The following PCDHGA12 variants were observed in gnomAD, a reference collection of about 807,000 sequenced individuals.
PCDHGA12 encodes protocadherin gamma subfamily A, 12, also known as protocadherin gamma-A12.
A neutral mutation model predicts 61.1 loss-of-function variants in PCDHGA12; 43 were observed. That is an observed-to-expected ratio of 0.70 (90% CI 0.55 to 0.91). The LOEUF (loss-of-function observed/expected upper bound fraction) is 0.91, where lower values mean the gene tolerates loss of function less well. Among genes scored for constraint, PCDHGA12 ranks in the 40% least tolerant of loss-of-function variants. The probability of loss-of-function intolerance (pLI) is 0.00; values close to 1 mark genes in which losing one functional copy is unlikely to be tolerated. For missense variants in PCDHGA12, 1,236 were observed against 1,227.7 expected (o/e 1.01, Z -0.10); for synonymous variants, 520 against 542.9 (o/e 0.96, Z 0.59).
intron 1 of PCDHGA12, among the ~76,000 whole-genome samples, chr5:141,449,762 G>T (rs909809198): frequency 6.6e-6 from 1 of 151,458 alleles, no homozygotes; most frequent in Non-Finnish European, 1.5e-5. Context: ...ACATTTGAGA[G>T]TAAGTTGTAG....
In PCDHGA12 at chr5:141,485,669, T is replaced by G. The variant is rs754363407; in HGVS notation, c.2425-9138T>G. ...TCAGGATGCAGATGTGGGGAGCAATTCGATTAGCAGCTATAGGCTGAGCTC... is the reference window on the plus strand; with the variant it reads ...TCAGGATGCAGATGTGGGGAGCAATGCGATTAGCAGCTATAGGCTGAGCTC... On this transcript the variant is annotated intron_variant, in intron 1 of 3. Transcript: ENST00000252085. The surrounding 1 kb of genome is among the most constrained non-coding windows in gnomAD (Gnocchi z 5.7). 1.9e-6 allele frequency: 3 copies of G among 1,612,788 alleles called. 1 individual carries two copies. Among genetic ancestry groups the G allele is most frequent in the Admixed American group, 1.7e-5 (1 of 59,980 alleles).
intron 1 of PCDHGA12, chr5:141,478,104 C>T (rs1440105341): frequency 6.2e-7 from 1 of 1,614,118 alleles, no homozygotes; most frequent in South Asian, 1.1e-5. Flanking sequence ...GCTACCCTCA[C>T]TGTGTCAGTA....
chr5:141,433,328 G>A (rs965877578), intron 1 of PCDHGA12, 145 bp downstream of exon 1: 3 of 724,464 alleles, frequency 4.1e-6, no homozygotes, highest in African/African-American at 3.6e-5. Context: ...GGTGTAACAG[G>A]GACTACAGGT....
At chr5:141,509,872 G>A (rs968745661) in intron 3 of PCDHGA12, among the ~76,000 whole-genome samples, 1 of 152,166 alleles carries the variant, frequency 6.6e-6, no homozygotes, top group Non-Finnish European at 1.5e-5. Context: ...CCAAGCTGCT[G>A]GTGGTGATGG....
At position 141,491,127 on chromosome 5, in the gene PCDHGA12, C is replaced by T. The variant is rs2099708654; in HGVS notation, c.2425-3680C>T. On this transcript the variant is annotated intron_variant, in intron 1 of 3. Transcript: ENST00000252085. This position sits in a 1 kb window ranked among gnomAD's most constrained non-coding sequence, Gnocchi z 6.9. ...TGTCTACACACACTGGTGAGGTGCGCACAGCCCGGGCCTTACTGGAGGATG... is the reference window on the plus strand; with the variant it reads ...TGTCTACACACACTGGTGAGGTGCGTACAGCCCGGGCCTTACTGGAGGATG... 1 of 1,614,076 alleles carries T rather than the reference C, an allele frequency of 6.2e-7. No individual in the cohort carries two copies. The highest frequency in any genetic ancestry group is 1.3e-5 in the African/African-American group (1 of 74,942).
At chr5:141,499,007 AG>A (rs2099788320) in intron 2 of PCDHGA12, among the ~76,000 whole-genome samples, 1 of 151,128 alleles carries the variant, frequency 6.6e-6, no homozygotes, top group Non-Finnish European at 1.5e-5. Flanking sequence ...GAAGGAAGGA[AG>A]GAAGGAAGGA....
Position 141,431,559 on chromosome 5 carries a change from C to A in PCDHGA12, c.800C>A (p.Thr267Asn). Residue 267 changes from threonine to asparagine, a missense_variant, in exon 1 of 4, where the codon ACC (threonine) becomes AAC (asparagine). By Grantham distance (65) the Thr-to-Asn change is moderately conservative (BLOSUM62 0). Coordinates refer to ENST00000252085, the MANE Select transcript of PCDHGA12 (RefSeq NM_003735.3). The surrounding 1 kb of genome is among the most constrained non-coding windows in gnomAD (Gnocchi z 4.8). ...LGTQLLVVNA[T>N]DPDEGVNAEV... is the part of the protein sequence containing the mutation. ...ACGCAGCTGCTTGTAGTCAACGCTA[C>A]CGACCCTGACGAAGGAGTCAATGCG... is the stretch of plus-strand genomic sequence containing the variant. 6.2e-7 allele frequency: 1 copy of A among 1,614,158 alleles called. No homozygotes were observed. The highest frequency in any genetic ancestry group is 8.5e-7 in the Non-Finnish European group (1 of 1,180,030).
rs778851755 is a variant in PCDHGA12, at chr5:141,477,795, G to A, written c.2425-17012G>A. ...AGCGTGAACATATTTGTCACTGATC[G>A]CAATGACAATGCCCCCCAGGTCCTA... On this transcript the variant is annotated intron_variant, in intron 1 of 3. Coordinates refer to ENST00000252085, the MANE Select transcript of PCDHGA12 (RefSeq NM_003735.3). This position sits in a 1 kb window ranked among gnomAD's most constrained non-coding sequence, Gnocchi z 4.9. The A allele has an allele frequency of 3.1e-6, 5 of 1,613,946 alleles. No individual in the cohort carries two copies. In the African/African-American group the frequency reaches 6.7e-5, roughly 22 times the overall value.
At position 141,491,660 on chromosome 5, in the gene PCDHGA12, C is replaced by G; in HGVS notation, c.2425-3147C>G. 6.2e-7 allele frequency: 1 copy of G among 1,613,810 alleles called. No individual in the cohort carries two copies. ...ACAGCTCTGGCGCTGGAGCCTGACG[C>G]CATCCGGTCCCGCTCTAATACGCTG... is the stretch of plus-strand genomic sequence containing the variant. On this transcript the variant is annotated intron_variant, in intron 1 of 3. Transcript: ENST00000252085. The surrounding 1 kb of genome is among the most constrained non-coding windows in gnomAD (Gnocchi z 6.9).
intron 1 of PCDHGA12, among the ~76,000 whole-genome samples, chr5:141,465,824 T>A (rs1447359333): frequency 6.6e-6 from 1 of 152,076 alleles, no homozygotes; most frequent in Non-Finnish European, 1.5e-5. Context: ...ATCACATTTG[T>A]TTAAAATTTC....
rs764742899 is a variant in PCDHGA12, at chr5:141,487,062, C to T, written c.2425-7745C>T. On this transcript the variant is annotated intron_variant, in intron 1 of 3. Transcript: ENST00000252085. This position sits in a 1 kb window ranked among gnomAD's most constrained non-coding sequence, Gnocchi z 5.0. Reference sequence around the variant, plus strand: ...TCTCGATATGCTGGGGAGGTGCGGACGGCTGTTCCTATCCCAGCTGACCTC... The same window carrying T: ...TCTCGATATGCTGGGGAGGTGCGGATGGCTGTTCCTATCCCAGCTGACCTC... 2.8e-5 allele frequency: 45 copies of T among 1,613,980 alleles called. No homozygotes were observed. Among genetic ancestry groups the T allele is most frequent in the East Asian group, 1.3e-4 (6 of 44,874 alleles).
In PCDHGA12 at chr5:141,434,786, T is replaced by A. The variant is rs867453805; in HGVS notation, c.2424+1603T>A. ...TTCACACTTCTAAAAAAAAAAAAAT[T>A]TTTTTTTCTGAGCTTGGAGAAATAT... On this transcript the variant is annotated intron_variant, in intron 1 of 3. Coordinates refer to ENST00000252085, the MANE Select transcript of PCDHGA12 (RefSeq NM_003735.3). 6.8e-4 allele frequency among the ~76,000 whole-genome samples: 102 copies of A among 150,682 alleles called. 1 individual carries two copies. The highest frequency in any genetic ancestry group is 1.8e-3 in the African/African-American group (72 of 40,898).
In PCDHGA12 at chr5:141,491,762, C is replaced by T. The variant is rs1162878124; in HGVS notation, c.2425-3045C>T. The T allele has an allele frequency of 6.4e-7, 1 of 1,572,596 alleles. No homozygotes were observed. The highest frequency in any genetic ancestry group is 1.4e-5 in the African/African-American group (1 of 73,308). ...GGCGGCACTGGAGAAGCCGCCCGTC[C>T]TCATAAGGGATTGAACTTGCATCCA... On this transcript the variant is annotated intron_variant, in intron 1 of 3. Transcript: ENST00000252085. The surrounding 1 kb of genome is among the most constrained non-coding windows in gnomAD (Gnocchi z 6.9).
In PCDHGA12 at chr5:141,487,406, C is replaced by T; in HGVS notation, c.2425-7401C>T. The T allele has an allele frequency of 6.2e-7, 1 of 1,614,200 alleles. No individual in the cohort carries two copies. The highest frequency in any genetic ancestry group is 8.5e-7 in the Non-Finnish European group (1 of 1,180,044). ...ATCTCGAAGGAGGGAGGGGCTTCCC[C>T]CTTCCAATGGGATCCTCCGAATCCA... On this transcript the variant is annotated intron_variant, in intron 1 of 3. Coordinates refer to ENST00000252085, the MANE Select transcript of PCDHGA12 (RefSeq NM_003735.3). The surrounding 1 kb of genome is among the most constrained non-coding windows in gnomAD (Gnocchi z 5.0).
intron 1 of PCDHGA12, among the ~76,000 whole-genome samples, chr5:141,475,442 T>A (rs1007534176): frequency 1.3e-5 from 2 of 152,238 alleles, no homozygotes; most frequent in African/African-American, 4.8e-5. Context: ...TAGCTCCAGA[T>A]AATGAGGAAG....
rs761718852 is a variant in PCDHGA12, at chr5:141,432,440, G to A, written c.1681G>A (p.Glu561Lys). Reference protein sequence around the residue: ...FVLDQNDNAPEILYPALPTDG... With the variant: ...FVLDQNDNAPKILYPALPTDG... ...GCTGGACCAGAACGACAATGCGCCCGAGATCCTGTACCCCGCCCTCCCCAC... is the reference window on the plus strand; with the variant it reads ...GCTGGACCAGAACGACAATGCGCCCAAGATCCTGTACCCCGCCCTCCCCAC... The change falls in exon 1 of 4, where the codon GAG becomes AAG. Residue 561 changes from glutamate (E) to lysine (K), a missense_variant. By Grantham distance (56) the Glu-to-Lys change is moderately conservative (BLOSUM62 1). Transcript: ENST00000252085. The surrounding 1 kb of genome is among the most constrained non-coding windows in gnomAD (Gnocchi z 6.0). 1.3e-5 allele frequency: 21 copies of A among 1,614,226 alleles called. No homozygotes were observed. Among genetic ancestry groups the A allele is most frequent in the Non-Finnish European group, 1.6e-5 (19 of 1,180,048 alleles).
rs946798767 is a variant in PCDHGA12 at position 141,438,591 on chromosome 5, C to CATATAT, written c.2424+5448_2424+5453dup. Among the ~76,000 whole-genome samples the CATATAT allele has an allele frequency of 1.5e-3, 111 of 75,470 alleles. 1 individual carries two copies. Among genetic ancestry groups the CATATAT allele is most frequent in the Non-Finnish European group, 2.3e-3 (84 of 37,244 alleles). 49.5% of individuals were successfully genotyped at this position (75,470 alleles called of 152,430 possible). A position where few individuals can be genotyped will look rare whatever the true frequency, so the allele number is the denominator to read the frequency against. ...TCTGATATACATACATACATACATA[C>CATATAT]ATATATATATATATATATATATATA... On this transcript the variant is annotated intron_variant, in intron 1 of 3. Transcript: ENST00000252085.
At chr5:141,508,983 C>T (rs532410967) in intron 3 of PCDHGA12, among the ~76,000 whole-genome samples, 44 of 152,148 alleles carry the variant, frequency 2.9e-4, no homozygotes, top group Non-Finnish European at 4.4e-4. Flanking sequence ...GGGGTGGGGG[C>T]CAGCTGGGGT....
Position 141,439,440 on chromosome 5 carries a change from A to T in PCDHGA12, c.2424+6257A>T, listed in dbSNP as rs147662506. 1.4e-3 allele frequency among the ~76,000 whole-genome samples: 212 copies of T among 152,330 alleles called. 1 individual carries two copies. The highest frequency in any genetic ancestry group is 4.8e-3 in the African/African-American group (198 of 41,576). On this transcript the variant is annotated intron_variant, in intron 1 of 3. Transcript: ENST00000252085. Reference sequence around the variant, plus strand: ...GGTTATAAATTCCCAGGAATATTTTATTGCGGGAGCAAGACTGCACTGCTG... The same window carrying T: ...GGTTATAAATTCCCAGGAATATTTTTTTGCGGGAGCAAGACTGCACTGCTG...
Sources: allele counts gnomAD v4.1 joint callset (sites outside exome capture counted in the v4.1 genomes callset), GRCh38; gene constraint gnomAD v4.1.1; non-coding constraint Gnocchi (gnomAD v3.1); transcripts MANE v1.5; gene names NCBI Gene and HGNC (gene_info 2026-07-23, HGNC 2026-07-21).